TMEM252: variants seen among roughly 807,000 people sequenced by gnomAD.
TMEM252 encodes the protein transmembrane protein C9orf71.
In TMEM252, 4 loss-of-function variants were observed where a neutral mutation model predicts 6.4. The ratio of observed to expected loss-of-function variants is 0.62; its 90% CI spans 0.31 to 1.43. The LOEUF (loss-of-function observed/expected upper bound fraction) is 1.43. TMEM252 is among the 40% of genes most tolerant of loss of function. TMEM252 has a pLI of 0.07. For missense variants in TMEM252, 207 were observed against 209.4 expected (o/e 0.99, Z 0.07); for synonymous variants, 85 against 82.5 (o/e 1.03, Z -0.17).
rs1373397894 is a variant in TMEM252, at chr9:68,540,534, TA to T, written c.278+2del. 7 of 1,613,686 alleles carry T rather than the reference TA, an allele frequency of 4.3e-6. No homozygotes were observed. Among genetic ancestry groups the T allele is most frequent in the Non-Finnish European group, 5.1e-6 (6 of 1,179,710 alleles). ...CTTGGTCCCTCTGCCTGTCAGCACG[TA>T]CCTGTCTACTGTGGCCACGGGCAGG... On this transcript the variant is annotated splice_donor_variant, in intron 1 of 1. Coordinates refer to ENST00000377311, the MANE Select transcript of TMEM252 (RefSeq NM_153237.2). LOFTEE classifies it high-confidence loss of function.
Position 68,537,185 on chromosome 9 carries a change from C to T in TMEM252, c.*74G>A. The T allele has an allele frequency of 3.0e-6, 4 of 1,338,548 alleles. No homozygotes were observed. In the South Asian group the frequency reaches 5.2e-5, roughly 18 times the overall value. The allele number at this position is 1,338,548 out of a possible 1,614,324, so 82.9% of individuals were successfully genotyped here. ...TGGTGTGGCTTTTCCTCCCACAGTCCCTCGTTTGCCTTTATTATCAGTAGC... is the reference window on the plus strand; with the variant it reads ...TGGTGTGGCTTTTCCTCCCACAGTCTCTCGTTTGCCTTTATTATCAGTAGC... On this transcript the variant is annotated 3_prime_UTR_variant, in exon 2 of 2. Transcript: ENST00000377311.
At chr9:68,540,433 A>G (rs1825189624) in intron 1 of TMEM252, 104 bp downstream of exon 1, 2 of 1,495,636 alleles carry the variant, frequency 1.3e-6, no homozygotes, top group African/African-American at 1.4e-5. Flanking sequence ...CAGACAGCCC[A>G]TGGGACATGT....
chr9:68,539,328 T>C (rs541541133), intron 1 of TMEM252, among the ~76,000 whole-genome samples: 5 of 152,330 alleles, frequency 3.3e-5, no homozygotes, highest in African/African-American at 1.2e-4. Context: ...TTTCTTGTGG[T>C]AAAATATATA....
In TMEM252 at chr9:68,537,155, G is replaced by C; in HGVS notation, c.*104C>G. The C allele has an allele frequency of 1.0e-6, 1 of 1,001,936 alleles. No homozygotes were observed. The highest frequency in any genetic ancestry group is 1.7e-5 in the African/African-American group (1 of 60,380). The allele number at this position is 1,001,936 out of a possible 1,614,324, so 62.1% of individuals were successfully genotyped here. ...TCCCCTCCCCAAGCTCTCTTGTGGG[G>C]TCCCTGGTGTGGCTTTTCCTCCCAC... On this transcript the variant is annotated 3_prime_UTR_variant, in exon 2 of 2. Transcript: ENST00000377311.
chr9:68,539,516 A>G (rs542030266), intron 1 of TMEM252, among the ~76,000 whole-genome samples: 2 of 152,290 alleles, frequency 1.3e-5, no homozygotes, highest in South Asian at 4.1e-4. Context: ...TGACTACGCT[A>G]AGTACTCATG....
Position 68,537,463 on chromosome 9 carries a change from C to T in TMEM252, c.309G>A (p.Glu103=). Residue 103 remains glutamate (E), a synonymous_variant, in exon 2 of 2, where the codon GAG becomes GAA. Coordinates refer to ENST00000377311, the MANE Select transcript of TMEM252 (RefSeq NM_153237.2). ...AGCTCTGCTTTTCCACCTCAAGGCT[C>T]TCTTCATAAGCTGGAGGGTAAAAGT... The part of the protein sequence containing the change: ...RPDFYPPAYE[E]SLEVEKQSCP... 6.2e-7 allele frequency: 1 copy of T among 1,602,458 alleles called. No homozygotes were observed. Among genetic ancestry groups the T allele is most frequent in the Non-Finnish European group, 8.5e-7 (1 of 1,176,990 alleles).
chr9:68,540,831 C>A lies in TMEM252; in HGVS notation c.-17G>T, dbSNP rs1825197791. On this transcript the variant is annotated 5_prime_UTR_variant, in exon 1 of 2. Transcript: ENST00000377311. ...GTTCTGCATCCTTGCACCTTAGGAA[C>A]CCAGCACCCTGACCCTGCTGCTCCT... is the stretch of plus-strand genomic sequence containing the variant. 2 of 1,608,406 alleles carry A rather than the reference C, an allele frequency of 1.2e-6. No homozygotes were observed.
Position 68,540,627 on chromosome 9 carries a change from T to A in TMEM252, c.188A>T (p.Tyr63Phe). ...TCCTTTGCTTTCAGTCACCTGGCGA[T>A]AGTTGCTCCAGAAAATTCCACTCAG... is the stretch of plus-strand genomic sequence containing the variant. ...ILLSGIFWSN[Y>F]RQVTESKGVL... The change falls in exon 1 of 2, where the codon TAT becomes TTT. Residue 63 changes from tyrosine (Y) to phenylalanine (F), a missense_variant. By Grantham distance (22) the Tyr-to-Phe change is conservative. Transcript: ENST00000377311. 1 of 1,614,178 alleles carries A rather than the reference T, an allele frequency of 6.2e-7. No homozygotes were observed. The highest frequency in any genetic ancestry group is 8.5e-7 in the Non-Finnish European group (1 of 1,180,026).
intron 1 of TMEM252, among the ~76,000 whole-genome samples, chr9:68,540,241 T>G (rs1454092481): frequency 6.6e-6 from 1 of 152,236 alleles, no homozygotes; most frequent in Non-Finnish European, 1.5e-5. Flanking sequence ...TAATGACAGC[T>G]GCCATGATAT....
chr9:68,540,236 A>G (rs1825186963), intron 1 of TMEM252, among the ~76,000 whole-genome samples: 1 of 152,210 alleles, frequency 6.6e-6, no homozygotes, highest in Non-Finnish European at 1.5e-5. Flanking sequence ...CTAATTAATG[A>G]CAGCTGCCAT....
rs764553134 is a variant in TMEM252, at chr9:68,537,463, CTCT to C, written c.306_308del (p.Glu103del). 6.2e-7 allele frequency: 1 copy of C among 1,602,458 alleles called. No individual in the cohort carries two copies. Among genetic ancestry groups the C allele is most frequent in the Non-Finnish European group, 8.5e-7 (1 of 1,176,990 alleles). ...AGCTCTGCTTTTCCACCTCAAGGCT[CTCT>C]TCATAAGCTGGAGGGTAAAAGTCTG... is the stretch of plus-strand genomic sequence containing the variant. On this transcript the variant is annotated inframe_deletion, in exon 2 of 2. Coordinates refer to ENST00000377311, the MANE Select transcript of TMEM252 (RefSeq NM_153237.2).
chr9:68,540,547 T>A lies in TMEM252; in HGVS notation c.268A>T (p.Thr90Ser), dbSNP rs1215069592. ...CCTGTCAGCACGTACCTGTCTACTG[T>A]GGCCACGGGCAGGGCCCCATGAGCA... The part of the protein sequence containing the change: ...HLAHGALPVA[T>S]VDRPDFYPPA... The change falls in exon 1 of 2, where the codon ACA (threonine) becomes TCA (serine). Residue 90 changes from threonine to serine, a missense_variant. Physicochemically the swap from Thr to Ser is moderately conservative, Grantham distance 58. Transcript: ENST00000377311. 6 of 1,614,072 alleles carry A rather than the reference T, an allele frequency of 3.7e-6. No individual in the cohort carries two copies. In the South Asian group the frequency reaches 6.6e-5, roughly 18 times the overall value.
At position 68,537,081 on chromosome 9, in the gene TMEM252, C is replaced by G; in HGVS notation, c.*178G>C. 1.7e-6 allele frequency: 1 copy of G among 577,504 alleles called. No individual in the cohort carries two copies. The highest frequency in any genetic ancestry group is 3.0e-6 in the Non-Finnish European group (1 of 338,704). The allele number at this position is 577,504 out of a possible 1,614,324, so 35.8% of individuals were successfully genotyped here. A position where few individuals can be genotyped will look rare whatever the true frequency, so the allele number is the denominator to read the frequency against. On this transcript the variant is annotated 3_prime_UTR_variant, in exon 2 of 2. Transcript: ENST00000377311. ...GGCCACACCCTTCCAGGGCCCCTGG[C>G]CTGCCCTGCCCTGGCATGGCCAGTT...
In TMEM252 at chr9:68,537,362, T is replaced by C. The variant is rs772564259; in HGVS notation, c.410A>G (p.Asn137Ser). ...TGGTGGGGCCTCTGGGTGGGAGTCA[T>C]TTCCATCCTGGAATTCCAGGCCCGT... ...TETGLEFQDG[N>S]DSHPEAPPSY... is the part of the protein sequence containing the mutation. Residue 137 changes from asparagine (N) to serine (S), a missense_variant, in exon 2 of 2, where the codon AAT becomes AGT. By Grantham distance (46) the Asn-to-Ser change is conservative. Coordinates refer to ENST00000377311, the MANE Select transcript of TMEM252 (RefSeq NM_153237.2). 6.2e-7 allele frequency: 1 copy of C among 1,607,948 alleles called. No homozygotes were observed. Among genetic ancestry groups the C allele is most frequent in the East Asian group, 2.2e-5 (1 of 44,712 alleles).
intron 1 of TMEM252, among the ~76,000 whole-genome samples, chr9:68,540,336 T>C (rs1825188331): frequency 6.6e-6 from 1 of 152,208 alleles, no homozygotes; most frequent in Non-Finnish European, 1.5e-5. Context: ...GAGTTGCCCC[T>C]GCGTCATGGT....
chr9:68,540,574 G>A lies in TMEM252; in HGVS notation c.241C>T (p.Leu81Phe), dbSNP rs750234203. The stretch of plus-strand genomic sequence containing the variant: ...GCCACGGGCAGGGCCCCATGAGCAA[G>A]GTGTTGTCGGAGCATGTGCCTCAAC... ...GVLRHMLRQH[L>F]AHGALPVATV... The change falls in exon 1 of 2, where the codon CTT (leucine) becomes TTT (phenylalanine). Residue 81 changes from leucine (L) to phenylalanine (F), a missense_variant. By Grantham distance (22) the Leu-to-Phe change is conservative (BLOSUM62 0). Transcript: ENST00000377311. 5 of 1,614,230 alleles carry A rather than the reference G, an allele frequency of 3.1e-6. No homozygotes were observed. In the South Asian group the frequency reaches 5.5e-5, roughly 18 times the overall value.
At chr9:68,538,697 TG>T (rs1825169989) in intron 1 of TMEM252, among the ~76,000 whole-genome samples, 1 of 152,214 alleles carries the variant, frequency 6.6e-6, no homozygotes, top group Non-Finnish European at 1.5e-5. Flanking sequence ...GCAAATGCTT[TG>T]GAGAAATGTG....
In TMEM252 at chr9:68,537,451, C is replaced by T. The variant is rs765744337; in HGVS notation, c.321G>A (p.Val107=). The T allele has an allele frequency of 1.9e-6, 3 of 1,603,570 alleles. No individual in the cohort carries two copies. Among genetic ancestry groups the T allele is most frequent in the Non-Finnish European group, 2.5e-6 (3 of 1,177,254 alleles). ...YPPAYEESLE[V]EKQSCPAERE... ...TCTCTGCAGGACAGCTCTGCTTTTCCACCTCAAGGCTCTCTTCATAAGCTG... is the reference window on the plus strand; with the variant it reads ...TCTCTGCAGGACAGCTCTGCTTTTCTACCTCAAGGCTCTCTTCATAAGCTG... Residue 107 remains valine (V), a synonymous_variant, in exon 2 of 2, where the codon GTG becomes GTA. Transcript: ENST00000377311.
chr9:68,537,189 G>A lies in TMEM252; in HGVS notation c.*70C>T, dbSNP rs943847234. 127 of 1,385,694 alleles carry A rather than the reference G, an allele frequency of 9.2e-5. No individual in the cohort carries two copies. The highest frequency in any genetic ancestry group is 2.3e-4 in the African/African-American group (16 of 68,386). 85.8% of individuals were successfully genotyped at this position (1,385,694 alleles called of 1,614,324 possible). ...GTGGCTTTTCCTCCCACAGTCCCTC[G>A]TTTGCCTTTATTATCAGTAGCTGCT... On this transcript the variant is annotated 3_prime_UTR_variant, in exon 2 of 2. Coordinates refer to ENST00000377311, the MANE Select transcript of TMEM252 (RefSeq NM_153237.2).
Sources: allele counts gnomAD v4.1 joint callset (sites outside exome capture counted in the v4.1 genomes callset), GRCh38; gene constraint gnomAD v4.1.1; transcripts MANE v1.5; gene names NCBI Gene and HGNC (gene_info 2026-07-23, HGNC 2026-07-21).